ELL: variants seen among roughly 807,000 people sequenced by gnomAD.
ELL encodes RNA polymerase II elongation factor ELL.
A neutral mutation model predicts 64.0 loss-of-function variants in ELL; 18 were observed. The observed-to-expected ratio is 0.28, with a 90% CI of 0.19 to 0.42. The LOEUF is 0.42. ELL is among the 10% of genes least tolerant of loss of function. The probability of loss-of-function intolerance (pLI) is 1.00; values close to 1 mark genes in which losing one functional copy is unlikely to be tolerated. For synonymous variants in ELL, 399 were observed against 376.2 expected, an observed-to-expected ratio of 1.06 and a Z score of -0.70; for missense variants, 797 against 870.4, an observed-to-expected ratio of 0.92 and a Z score of 1.06.
chr19:18,449,921 T>C lies in ELL; in HGVS notation c.1465+556A>G, dbSNP rs368786694. ...CCGCCCAGGTCTCCTGGCTCCCCAA[T>C]CCCAGCCTGCCAGGCCCTGTCCCCA... On this transcript the variant is annotated intron_variant, in intron 8 of 11. Coordinates refer to ENST00000262809, the MANE Select transcript of ELL (RefSeq NM_006532.4). The surrounding 1 kb of genome is among the most constrained non-coding windows in gnomAD (Gnocchi z 4.4). 6.6e-5 allele frequency among the ~76,000 whole-genome samples: 10 copies of C among 152,082 alleles called. No individual in the cohort carries two copies. In the East Asian group the frequency reaches 1.2e-3, roughly 18 times the overall value.
intron 6 of ELL, among the ~76,000 whole-genome samples, chr19:18,457,667 G>A (rs545536682): frequency 3.3e-5 from 5 of 152,152 alleles, no homozygotes; most frequent in Non-Finnish European, 5.9e-5. Context: ...GTCATTAGCC[G>A]CCTGCCTCCT....
chr19:18,521,844 C>A, intron 1 of ELL, 77 bp downstream of exon 1: 2 of 1,494,978 alleles, frequency 1.3e-6, no homozygotes, highest in East Asian at 2.6e-5. Context: ...CGAGCCCGGA[C>A]GCCTCAGTGA....
intron 2 of ELL, 177 bp downstream of exon 2, chr19:18,472,658 G>T: frequency 1.4e-6 from 1 of 717,524 alleles, no homozygotes; most frequent in Non-Finnish European, 2.3e-6. Context: ...CACCCGACAC[G>T]TCCTGGTGTG....
rs1974334020 is a variant in ELL, at chr19:18,443,340, A to C, written c.*1412T>G. ...GATACACTGTGGGCCCTCCACAGTC[A>C]GCTCTTTGGAAGCTGTCAGGAGGCA... On this transcript the variant is annotated 3_prime_UTR_variant, in exon 12 of 12. Coordinates refer to ENST00000262809, the MANE Select transcript of ELL (RefSeq NM_006532.4). 1 of 233,168 alleles carries C rather than the reference A, an allele frequency of 4.3e-6. No individual in the cohort carries two copies. Among genetic ancestry groups the C allele is most frequent in the African/African-American group, 2.2e-5 (1 of 45,310 alleles). 14.4% of individuals were successfully genotyped at this position (233,168 alleles called of 1,614,324 possible). A position where few individuals can be genotyped will look rare whatever the true frequency, so the allele number is the denominator to read the frequency against.
intron 1 of ELL, among the ~76,000 whole-genome samples, chr19:18,521,276 A>C (rs865832071): frequency 6.6e-6 from 1 of 152,094 alleles, no homozygotes; most frequent in Non-Finnish European, 1.5e-5. Context: ...GAAAGCTGGG[A>C]CAAGCTGTCA....
At position 18,450,671 on chromosome 19, in the gene ELL, C is replaced by A. The variant is rs755783890; in HGVS notation, c.1271G>T (p.Arg424Leu). The A allele has an allele frequency of 1.9e-6, 3 of 1,587,252 alleles. No individual in the cohort carries two copies. In the African/African-American group the frequency reaches 4.0e-5, roughly 21 times the overall value. ...GEAAAPAPTV[R>L]LGLPLLTDCA... ...GTCCGTCAGCAGGGGCAGGCCGAGG[C>A]GCACAGTGGGGGCTGGGGCAGCCGC... is the stretch of plus-strand genomic sequence containing the variant. Residue 424 changes from arginine to leucine, a missense_variant, in exon 8 of 12, where the codon CGC becomes CTC. By Grantham distance (102) the Arg-to-Leu change is moderately radical (BLOSUM62 -2). Coordinates refer to ENST00000262809, the MANE Select transcript of ELL (RefSeq NM_006532.4).
At chr19:18,516,938 T>A (rs1480592452) in intron 1 of ELL, among the ~76,000 whole-genome samples, 1 of 152,056 alleles carries the variant, frequency 6.6e-6, no homozygotes, top group African/African-American at 2.4e-5. Flanking sequence ...GAGGCTCTAA[T>A]CCCCAGGCCT....
At chr19:18,453,566 T>C (rs937145344) in intron 6 of ELL, among the ~76,000 whole-genome samples, 2 of 151,828 alleles carry the variant, frequency 1.3e-5, no homozygotes, top group Non-Finnish European at 2.9e-5. Flanking sequence ...CAGGGATGAC[T>C]GGAATAAAAA....
chr19:18,487,882 T>G (rs1487079502), intron 1 of ELL, among the ~76,000 whole-genome samples: 2 of 152,236 alleles, frequency 1.3e-5, no homozygotes, highest in Non-Finnish European at 1.5e-5. Flanking sequence ...TCAGGAGCTG[T>G]GCTCAGAACC....
intron 2 of ELL, among the ~76,000 whole-genome samples, chr19:18,468,749 C>T (rs1244779823): frequency 1.3e-5 from 2 of 152,248 alleles, no homozygotes; most frequent in Non-Finnish European, 1.5e-5. Flanking sequence ...GGCACCCTCA[C>T]GTGCAGCCCT....
chr19:18,463,843 G>A (rs747631828), intron 4 of ELL, among the ~76,000 whole-genome samples: 26 of 151,944 alleles, frequency 1.7e-4, no homozygotes, highest in East Asian at 3.9e-4. Context: ...AAAATTAGCC[G>A]GGCGTGGTGG....
At chr19:18,468,104 C>T (rs1269356822) in intron 2 of ELL, among the ~76,000 whole-genome samples, 1 of 148,896 alleles carries the variant, frequency 6.7e-6, no homozygotes, top group Non-Finnish European at 1.5e-5. Flanking sequence ...AACCCCTACA[C>T]ACAACCACAC....
At chr19:18,446,283 C>T (rs1470063142) in intron 10 of ELL, 26 bp downstream of exon 10, 1 of 1,538,494 alleles carries the variant, frequency 6.5e-7, no homozygotes, top group Admixed American at 2.0e-5. Context: ...AGAGCCAGGG[C>T]ACAGTAGGCA....
chr19:18,463,754 G>A (rs994067331), intron 4 of ELL, among the ~76,000 whole-genome samples: 21 of 151,902 alleles, frequency 1.4e-4, no homozygotes, highest in Non-Finnish European at 2.4e-4. Context: ...TGAGGTGGGC[G>A]GATTACGAGG....
chr19:18,514,096 T>C (rs1976082042), intron 1 of ELL, among the ~76,000 whole-genome samples: 1 of 151,992 alleles, frequency 6.6e-6, no homozygotes, highest in African/African-American at 2.4e-5. Context: ...AGGATATAAT[T>C]AGCATCAGAC....
intron 2 of ELL, chr19:18,472,269 C>T (rs966360943): frequency 1.3e-5 from 2 of 152,292 alleles, no homozygotes; most frequent in Non-Finnish European, 2.9e-5. Flanking sequence ...GGCCAGAAGA[C>T]AATTTTTCTA....
In ELL at chr19:18,506,165, C is replaced by T. The variant is rs1415559088; in HGVS notation, c.135+15756G>A. 2.0e-5 allele frequency among the ~76,000 whole-genome samples: 3 copies of T among 152,242 alleles called. No homozygotes were observed. The East Asian group carries it at 5.8e-4, about 29-fold the overall frequency. On this transcript the variant is annotated intron_variant, in intron 1 of 11. Coordinates refer to ENST00000262809, the MANE Select transcript of ELL (RefSeq NM_006532.4). ...CCTGGCACTCAGGCCATGCCACACG[C>T]AGCAGCTGGGTCTGAAGCCTGGCTT...
At chr19:18,491,018 A>G (rs1975521064) in intron 1 of ELL, among the ~76,000 whole-genome samples, 2 of 152,194 alleles carry the variant, frequency 1.3e-5, no homozygotes, top group Admixed American at 6.5e-5. Context: ...TGTTTGGCCA[A>G]ACAACAGTCT....
chr19:18,463,288 G>A (rs562207471), intron 4 of ELL, among the ~76,000 whole-genome samples: 65 of 151,994 alleles, frequency 4.3e-4, no homozygotes, highest in African/African-American at 1.3e-3. Flanking sequence ...CAACCTGAGG[G>A]GGGCACTGTG....
Sources: allele counts gnomAD v4.1 joint callset (sites outside exome capture counted in the v4.1 genomes callset), GRCh38; gene constraint gnomAD v4.1.1; non-coding constraint Gnocchi (gnomAD v3.1); transcripts MANE v1.5; gene names NCBI Gene and HGNC (gene_info 2026-07-23, HGNC 2026-07-21).